Variants in ZNF540 observed in about 807,000 individuals in gnomAD.
ZNF540 encodes zinc finger protein 540, also known as CTD-3064H18.6.
In ZNF540, 3 loss-of-function variants were observed where a neutral mutation model predicts 11.8. That is an observed-to-expected ratio of 0.25 (90% CI 0.12 to 0.65). ZNF540 has a LOEUF of 0.65. Ranked by LOEUF, ZNF540 falls within the 30% of genes least tolerant of loss-of-function variation. ZNF540 has a pLI of 0.83. For synonymous variants in ZNF540, 247 were observed against 259.0 expected (o/e 0.95, Z 0.45); for missense variants, 709 against 793.1 (o/e 0.89, Z 1.27).
intron 1 of ZNF540, among the ~76,000 whole-genome samples, chr19:37,552,303 C>G (rs1417139926): frequency 6.6e-6 from 1 of 152,100 alleles, no homozygotes; most frequent in Non-Finnish European, 1.5e-5. Context: ...TATAAACAAG[C>G]TTGCTAAAGT....
intron 1 of ZNF540, among the ~76,000 whole-genome samples, chr19:37,562,104 C>T (rs1188535053): frequency 2.6e-5 from 4 of 152,256 alleles, no homozygotes; most frequent in Non-Finnish European, 2.9e-5. Flanking sequence ...TAATGTAGGC[C>T]GGGTGCGGTG....
rs1421855964 is a variant in ZNF540, at chr19:37,612,929, C to T, written c.1649C>T (p.Pro550Leu). 1.2e-6 allele frequency: 2 copies of T among 1,614,038 alleles called. No homozygotes were observed. Among genetic ancestry groups the T allele is most frequent in the Non-Finnish European group, 1.7e-6 (2 of 1,179,994 alleles). The stretch of plus-strand genomic sequence containing the variant: ...CTGAAAATTCATTCTGGTTTAAAAC[C>T]CTATGACTGTAAAGAATGTGGGAAG... ...EHLKIHSGLKPYDCKECGKSF... is the reference protein window; with the variant it reads ...EHLKIHSGLKLYDCKECGKSF... Residue 550 changes from proline to leucine, a missense_variant, in exon 5 of 5, where the codon CCC (proline) becomes CTC (leucine). Coordinates refer to ENST00000316433, the MANE Select transcript of ZNF540 (RefSeq NM_001172225.3).
chr19:37,604,576 G>A (rs1324562750), intron 4 of ZNF540, among the ~76,000 whole-genome samples: 1 of 151,608 alleles, frequency 6.6e-6, no homozygotes, highest in Non-Finnish European at 1.5e-5. Flanking sequence ...CAAAGTGCTG[G>A]GATTACAGGC....
chr19:37,585,195 T>C (rs2043627535), intron 1 of ZNF540: 1 of 152,208 alleles, frequency 6.6e-6, no homozygotes, highest in Admixed American at 6.5e-5. Flanking sequence ...CTCTCATTGG[T>C]TCCTGGGCAA....
intron 1 of ZNF540, among the ~76,000 whole-genome samples, chr19:37,579,069 A>C (rs1374685165): frequency 6.6e-6 from 1 of 152,208 alleles, no homozygotes; most frequent in Non-Finnish European, 1.5e-5. Flanking sequence ...CCTGCAGCCC[A>C]GAGCCCTTCT....
rs2147232582 is a variant in ZNF540, at chr19:37,608,348, T to TA, written c.233-3164dup. Among the ~76,000 whole-genome samples, 3 of 152,348 alleles carry TA rather than the reference T, an allele frequency of 2.0e-5. No homozygotes were observed. The East Asian group carries it at 5.8e-4, about 29-fold the overall frequency. On this transcript the variant is annotated intron_variant, in intron 4 of 4. Transcript: ENST00000316433. ...CATCAGAGCCATTCTTCATTTCTAT[T>TA]ACAGTGTTTTTGATCTTTAGCATTT...
chr19:37,598,300 T>G, intron 1 of ZNF540, 76 bp from the exon 2 acceptor site: 1 of 734,184 alleles, frequency 1.4e-6, no homozygotes, highest in Non-Finnish European at 2.3e-6. Flanking sequence ...AAATAAAAGA[T>G]TATTAATTTA....
At chr19:37,603,448 G>C (rs1240071578) in intron 4 of ZNF540, among the ~76,000 whole-genome samples, 1 of 152,154 alleles carries the variant, frequency 6.6e-6, no homozygotes, top group Non-Finnish European at 1.5e-5. Flanking sequence ...CTATAGATAC[G>C]ACAATGGATA....
chr19:37,556,931 A>G (rs980544690), intron 1 of ZNF540, among the ~76,000 whole-genome samples: 3 of 152,164 alleles, frequency 2.0e-5, no homozygotes, highest in Admixed American at 6.5e-5. Flanking sequence ...GATAGGCACA[A>G]TGGAGCTTCT....
At chr19:37,554,486 C>T (rs2042639448) in intron 1 of ZNF540, among the ~76,000 whole-genome samples, 1 of 152,058 alleles carries the variant, frequency 6.6e-6, no homozygotes, top group Non-Finnish European at 1.5e-5. Context: ...ACTTTTGTCC[C>T]CATGTATGTA....
chr19:37,588,099 C>CAAAAAAAAAA (rs58516591), intron 1 of ZNF540, among the ~76,000 whole-genome samples: 15 of 45,746 alleles, frequency 3.3e-4, no homozygotes, highest in Admixed American at 7.9e-4. Context: ...GACTCCATCT[C>CAAAAAAAAAA]AAAAAAAAAA....
chr19:37,583,275 T>C (rs1261748917), intron 1 of ZNF540, among the ~76,000 whole-genome samples: 1 of 152,192 alleles, frequency 6.6e-6, no homozygotes, highest in African/African-American at 2.4e-5. Flanking sequence ...GAGATACTTA[T>C]CCAAGTTTAA....
At chr19:37,557,781 C>T (rs1012075695) in intron 1 of ZNF540, among the ~76,000 whole-genome samples, 3 of 152,142 alleles carry the variant, frequency 2.0e-5, no homozygotes, top group East Asian at 3.9e-4. Flanking sequence ...GACATCCATT[C>T]GCCAGAAGCA....
intron 1 of ZNF540, chr19:37,565,750 G>A (rs115993372): frequency 4.6e-5 from 75 of 1,613,346 alleles, no homozygotes; most frequent in Middle Eastern, 3.3e-4. Flanking sequence ...TCCCACATGC[G>A]TTACACTGAT....
chr19:37,567,628 T>C lies in ZNF540; in HGVS notation c.-73+15963T>C, dbSNP rs904227963. On this transcript the variant is annotated intron_variant, in intron 1 of 4. Transcript: ENST00000592533. ...TCTTTCCCATTTTAGATTTTCCATATGCTGTTCCATCTGCCAAGAATGCTC... is the reference window on the plus strand; with the variant it reads ...TCTTTCCCATTTTAGATTTTCCATACGCTGTTCCATCTGCCAAGAATGCTC... 3 of 152,336 alleles carry C rather than the reference T, an allele frequency of 2.0e-5. No homozygotes were observed. The East Asian group carries it at 5.8e-4, about 29-fold the overall frequency. The allele number at this position is 152,336 out of a possible 1,614,324, so 9.4% of individuals were successfully genotyped here.
chr19:37,613,298 T>C lies in ZNF540; in HGVS notation c.*35T>C, dbSNP rs1394693437. On this transcript the variant is annotated 3_prime_UTR_variant, in exon 5 of 5. Transcript: ENST00000316433. ...AGGTTTCCATGTCATGCTCTATTTA[T>C]AGAATATCAAAATATTTATGGCCAG... 10 of 1,378,196 alleles carry C rather than the reference T, an allele frequency of 7.3e-6. No individual in the cohort carries two copies. The highest frequency in any genetic ancestry group is 1.4e-5 in the African/African-American group (1 of 69,510). 85.4% of individuals were successfully genotyped at this position (1,378,196 alleles called of 1,614,324 possible). A position where few individuals can be genotyped will look rare whatever the true frequency, so the allele number is the denominator to read the frequency against.
chr19:37,579,459 A>G (rs988320785), intron 1 of ZNF540, among the ~76,000 whole-genome samples: 1 of 152,224 alleles, frequency 6.6e-6, no homozygotes, highest in Non-Finnish European at 1.5e-5. Context: ...GTACTGTGAC[A>G]TCGGAAAACA....
At chr19:37,564,521 A>T in intron 1 of ZNF540, 1 of 1,346,050 alleles carries the variant, frequency 7.4e-7, no homozygotes, top group Non-Finnish European at 9.8e-7. Flanking sequence ...TTCTGAGCAG[A>T]AGCAAGATGT....
chr19:37,566,467 G>C (rs1300827355), intron 1 of ZNF540: 1 of 675,852 alleles, frequency 1.5e-6, no homozygotes, highest in Non-Finnish European at 2.3e-6. Flanking sequence ...AGAAAAAGGA[G>C]AGCTTATAGG....
Sources: gnomAD v4.1 joint callset for allele counts (sites outside exome capture counted in the v4.1 genomes callset) on GRCh38, gnomAD v4.1.1 for gene constraint, MANE v1.5 for transcripts, NCBI Gene and HGNC (gene_info 2026-07-23, HGNC 2026-07-21) for gene names.